The following RABGAP1L variants were observed in gnomAD, a reference collection of about 807,000 sequenced individuals.
The protein encoded by RABGAP1L is RAB GTPase activating protein 1 like, also known as rab GTPase-activating protein 1-like.
In RABGAP1L, 63 loss-of-function variants were observed where a neutral mutation model predicts 137.7. The ratio of observed to expected loss-of-function variants is 0.46; its 90% CI spans 0.37 to 0.56. The LOEUF (loss-of-function observed/expected upper bound fraction) is 0.56, where lower values mean the gene tolerates loss of function less well. Among genes scored for constraint, RABGAP1L ranks in the 20% least tolerant of loss-of-function variants. RABGAP1L has a pLI of 0.00. For synonymous variants in RABGAP1L, 431 were observed against 433.7 expected (o/e 0.99, Z 0.08); for missense variants, 1,095 against 1,244.0 (o/e 0.88, Z 1.80).
chr1:174,169,884 A>G (rs1665211615), intron 1 of RABGAP1L, among the ~76,000 whole-genome samples: 2 of 151,792 alleles, frequency 1.3e-5, no homozygotes, highest in South Asian at 2.1e-4. Flanking sequence ...GAGTCTCCCT[A>G]TGTTGCCCAG....
chr1:174,447,500 A>T (rs1654898026), intron 13 of RABGAP1L, among the ~76,000 whole-genome samples: 1 of 151,930 alleles, frequency 6.6e-6, no homozygotes, highest in Non-Finnish European at 1.5e-5. Flanking sequence ...GCCCAAAGAC[A>T]CTCTTTGCCA....
In RABGAP1L at chr1:174,531,117, G is replaced by A. The variant is rs186044423; in HGVS notation, c.1711-106258G>A. Among the ~76,000 whole-genome samples, 9 of 152,080 alleles carry A rather than the reference G, an allele frequency of 5.9e-5. No homozygotes were observed. In the South Asian group the frequency reaches 6.2e-4, roughly 10 times the overall value. On this transcript the variant is annotated intron_variant, in intron 13 of 25. Coordinates refer to ENST00000681986, the MANE Select transcript of RABGAP1L (RefSeq NM_001366446.1). ...ATTCACAAGGGAGTATATAGTAGAC[G>A]CTTTCATTTATGTGAAGTATAAGAA...
At chr1:174,641,220 G>A (rs1424610024) in intron 14 of RABGAP1L, among the ~76,000 whole-genome samples, 1 of 151,866 alleles carries the variant, frequency 6.6e-6, no homozygotes, top group Non-Finnish European at 1.5e-5. Context: ...TAGTTGAAAA[G>A]TTTTCTGTGG....
intron 13 of RABGAP1L, among the ~76,000 whole-genome samples, chr1:174,490,730 C>A (rs977616273): frequency 2.6e-5 from 4 of 152,048 alleles, no homozygotes; most frequent in African/African-American, 9.7e-5. Context: ...AGAATGAAAA[C>A]CTTCTAAATC....
chr1:174,971,858 A>C (rs1488575315), intron 21 of RABGAP1L, among the ~76,000 whole-genome samples: 2 of 152,252 alleles, frequency 1.3e-5, no homozygotes, highest in African/African-American at 4.8e-5. Context: ...GGCAAACTTT[A>C]AACAAATATA....
rs1272610311 is a variant in RABGAP1L, at chr1:174,531,631, G to T, written c.1711-105744G>T. 4.6e-5 allele frequency among the ~76,000 whole-genome samples: 7 copies of T among 151,754 alleles called. No individual in the cohort carries two copies. In the East Asian group the frequency reaches 1.4e-3, roughly 29 times the overall value. On this transcript the variant is annotated intron_variant, in intron 13 of 25. Coordinates refer to ENST00000681986, the MANE Select transcript of RABGAP1L (RefSeq NM_001366446.1). Reference sequence around the variant, plus strand: ...ATCTTTAGTTCAAGCTACTTGGGGGGCCAAGGTGGAAGAATTGCTTTAAGC... The same window carrying T: ...ATCTTTAGTTCAAGCTACTTGGGGGTCCAAGGTGGAAGAATTGCTTTAAGC...
At chr1:174,162,757 T>C (rs1339702256) in intron 1 of RABGAP1L, among the ~76,000 whole-genome samples, 2 of 145,936 alleles carry the variant, frequency 1.4e-5, no homozygotes, top group African/African-American at 5.1e-5. Context: ...GTATTTCTTT[T>C]TTTTTTTTTT....
At chr1:174,675,405 G>A (rs558937552) in intron 14 of RABGAP1L, among the ~76,000 whole-genome samples, 73 of 152,122 alleles carry the variant, frequency 4.8e-4, no homozygotes, top group African/African-American at 1.7e-3. Context: ...TTGTAGATAT[G>A]TGGCGTTATT....
At chr1:174,295,460 C>T (rs1222845653) in intron 10 of RABGAP1L, among the ~76,000 whole-genome samples, 6 of 151,654 alleles carry the variant, frequency 4.0e-5, no homozygotes, top group Admixed American at 1.3e-4. Flanking sequence ...CTCAGCTCAC[C>T]GCAACCTCCT....
intron 20 of RABGAP1L, among the ~76,000 whole-genome samples, chr1:174,966,652 G>A (rs958819733): frequency 3.3e-5 from 5 of 152,156 alleles, no homozygotes; most frequent in African/African-American, 9.7e-5. Flanking sequence ...CATTTATTAT[G>A]CTTCTGTGGG....
At chr1:174,711,855 C>T (rs1158151961) in intron 17 of RABGAP1L, among the ~76,000 whole-genome samples, 2 of 152,244 alleles carry the variant, frequency 1.3e-5, no homozygotes, top group Non-Finnish European at 2.9e-5. Context: ...TAGGCGAAGC[C>T]AGCTGAGCTT....
intron 19 of RABGAP1L, among the ~76,000 whole-genome samples, chr1:174,862,073 C>A (rs1315227881): frequency 6.6e-6 from 1 of 152,112 alleles, no homozygotes; most frequent in Non-Finnish European, 1.5e-5. Context: ...TTTGTGATTT[C>A]AGGTCTTAAA....
At chr1:174,933,939 A>C (rs903308249) in intron 19 of RABGAP1L, among the ~76,000 whole-genome samples, 16 of 152,228 alleles carry the variant, frequency 1.1e-4, no homozygotes, top group African/African-American at 1.4e-4. Context: ...GGGAAAATCA[A>C]GGAATTATAC....
intron 13 of RABGAP1L, among the ~76,000 whole-genome samples, chr1:174,626,285 C>G (rs1017597549): frequency 6.6e-6 from 1 of 152,182 alleles, no homozygotes; most frequent in Non-Finnish European, 1.5e-5. Flanking sequence ...GAAATCCAGG[C>G]TATGCCCATA....
At chr1:174,299,558 A>G (rs1677464288) in intron 10 of RABGAP1L, among the ~76,000 whole-genome samples, 1 of 152,248 alleles carries the variant, frequency 6.6e-6, no homozygotes, top group Non-Finnish European at 1.5e-5. Flanking sequence ...TAGTTTTCAA[A>G]TTCTGGCGGA....
intron 1 of RABGAP1L, among the ~76,000 whole-genome samples, chr1:174,190,745 A>G (rs1271447275): frequency 6.6e-6 from 1 of 152,260 alleles, no homozygotes; most frequent in Non-Finnish European, 1.5e-5. Flanking sequence ...ACTGACCGGT[A>G]CAAGAGGCCC....
intron 10 of RABGAP1L, among the ~76,000 whole-genome samples, chr1:174,289,059 G>T (rs929168755): frequency 6.6e-6 from 1 of 152,100 alleles, no homozygotes; most frequent in Non-Finnish European, 1.5e-5. Flanking sequence ...TAAAGAGGGT[G>T]CAGGGTCTCA....
In RABGAP1L at chr1:174,383,370, C is replaced by T. The variant is rs1173336824; in HGVS notation, c.1560-10625C>T. ...TTACCTAAGCAAGCCTGGGCAATGGCGGGCGCCCCTCCCCCAGCCTCACTG... is the reference window on the plus strand; with the variant it reads ...TTACCTAAGCAAGCCTGGGCAATGGTGGGCGCCCCTCCCCCAGCCTCACTG... On this transcript the variant is annotated intron_variant, in intron 12 of 25. Transcript: ENST00000681986. Among the ~76,000 whole-genome samples the T allele has an allele frequency of 4.6e-5, 7 of 151,412 alleles. No homozygotes were observed. In the South Asian group the frequency reaches 6.3e-4, roughly 14 times the overall value.
chr1:174,626,902 A>G (rs866695323), intron 13 of RABGAP1L, among the ~76,000 whole-genome samples: 6 of 152,228 alleles, frequency 3.9e-5, no homozygotes, highest in African/African-American at 1.2e-4. Context: ...TTATCATCCA[A>G]CATAGAACTA....
Sources: allele counts gnomAD v4.1 joint callset (sites outside exome capture counted in the v4.1 genomes callset), GRCh38; gene constraint gnomAD v4.1.1; transcripts MANE v1.5; gene names NCBI Gene and HGNC (gene_info 2026-07-23, HGNC 2026-07-21).